Variants in MEGF11 observed in about 807,000 individuals in gnomAD.
The protein encoded by MEGF11 is multiple epidermal growth factor-like domains protein 11.
MEGF11 carries 126 observed loss-of-function variants against 146.6 expected under a neutral mutation model. The observed-to-expected ratio is 0.86, with a 90% CI of 0.74 to 1.00. MEGF11 has a LOEUF of 1.00. Among genes scored for constraint, MEGF11 ranks in the 50% least tolerant of loss-of-function variants. The pLI is 0.00. For missense variants in MEGF11, 1,509 were observed against 1,521.2 expected (o/e 0.99, Z 0.13); for synonymous variants, 532 against 583.4 (o/e 0.91, Z 1.27).
intron 5 of MEGF11, among the ~76,000 whole-genome samples, chr15:66,049,591 C>A (rs932642669): frequency 6.6e-6 from 1 of 152,092 alleles, no homozygotes; most frequent in East Asian, 1.9e-4. Context: ...GGGTATAGGT[C>A]GAGCTGCATG....
At chr15:66,150,495 C>T (rs1026784317) in intron 1 of MEGF11, among the ~76,000 whole-genome samples, 1 of 151,924 alleles carries the variant, frequency 6.6e-6, no homozygotes, top group Non-Finnish European at 1.5e-5. Context: ...GGGGCTTTTT[C>T]CCCCAATTGT....
chr15:65,909,920 G>T, intron 21 of MEGF11, 114 bp from the exon 22 acceptor site: 1 of 913,122 alleles, frequency 1.1e-6, no homozygotes, highest in Non-Finnish European at 1.7e-6. Context: ...ACCCACCTGG[G>T]TCCTAGGCCG....
intron 4 of MEGF11, among the ~76,000 whole-genome samples, chr15:66,097,380 G>A (rs1034914439): frequency 5.3e-5 from 8 of 152,148 alleles, no homozygotes; most frequent in African/African-American, 1.9e-4. Context: ...AGAGGCCTGG[G>A]GTTACTCAGC....
rs371552112 is a variant in MEGF11 at position 66,123,950 on chromosome 15, T to C, written c.149A>G (p.Tyr50Cys). ...GAGGATGTCTGTGCATCGTGTGTAATAGATCTGATCGAAGGGGTGTGCATA... is the reference window on the plus strand; with the variant it reads ...GAGGATGTCTGTGCATCGTGTGTAACAGATCTGATCGAAGGGGTGTGCATA... Reference protein sequence around the residue: ...ESYAHPFDQIYYTRCTDILNW... With the variant: ...ESYAHPFDQICYTRCTDILNW... The change falls in exon 3 of 26, where the codon TAT becomes TGT. Residue 50 changes from tyrosine (Y) to cysteine (C), a missense_variant. By Grantham distance (194) the Tyr-to-Cys change is radical (BLOSUM62 -2). Transcript: ENST00000395614. 5.1e-5 allele frequency: 82 copies of C among 1,613,862 alleles called. No individual in the cohort carries two copies. The highest frequency in any genetic ancestry group is 6.8e-5 in the Non-Finnish European group (80 of 1,179,876).
chr15:66,018,621 G>A (rs1018012762), intron 5 of MEGF11, among the ~76,000 whole-genome samples: 1 of 152,230 alleles, frequency 6.6e-6, no homozygotes, highest in Non-Finnish European at 1.5e-5. Flanking sequence ...GCTGGTGAGC[G>A]CATGTGTGAG....
At chr15:66,192,178 G>A (rs1432280445) in intron 1 of MEGF11, among the ~76,000 whole-genome samples, 2 of 151,576 alleles carry the variant, frequency 1.3e-5, no homozygotes, top group South Asian at 4.2e-4. Context: ...TGCTGAAATC[G>A]TCATAATGGC....
intron 5 of MEGF11, among the ~76,000 whole-genome samples, chr15:66,083,195 G>A (rs1455747647): frequency 1.3e-5 from 2 of 152,256 alleles, no homozygotes; most frequent in African/African-American, 4.8e-5. Context: ...ATACCACCAG[G>A]CCTCCCCAGG....
In MEGF11 at chr15:66,224,544, A is replaced by G. The variant is rs185531074; in HGVS notation, c.-9+29061T>C. On this transcript the variant is annotated intron_variant, in intron 1 of 25. Coordinates refer to ENST00000395614, the MANE Select transcript of MEGF11 (RefSeq NM_001385028.1). ...GTTTGCAGTGAGCCAAGATGGCGCC[A>G]CTGTACTCCAGCCTGAGCAACAGAG... Among the ~76,000 whole-genome samples, 579 of 150,940 alleles carry G rather than the reference A, an allele frequency of 3.8e-3. 3 individuals are homozygous for G. Among genetic ancestry groups the G allele is most frequent in the Non-Finnish European group, 6.8e-3 (464 of 67,794 alleles).
rs890752166 is a variant in MEGF11 at position 65,916,258 on chromosome 15, A to G, written c.2234T>C (p.Phe745Ser). The change falls in exon 18 of 26, where the codon TTT (phenylalanine) becomes TCT (serine). Residue 745 changes from phenylalanine to serine, a missense_variant. Coordinates refer to ENST00000395614, the MANE Select transcript of MEGF11 (RefSeq NM_001385028.1). ...GCATACGCGCCCACAGTCCTTCCCA[A>G]AAAATGCTGCTGGGCAGCCTAGAGA... ...FCTQRCPAAF[F>S]GKDCGRVCQC... 1.9e-6 allele frequency: 3 copies of G among 1,556,668 alleles called. No individual in the cohort carries two copies. The highest frequency in any genetic ancestry group is 2.6e-6 in the Non-Finnish European group (3 of 1,150,014).
chr15:66,013,014 G>A (rs1033798968), intron 5 of MEGF11, among the ~76,000 whole-genome samples: 1 of 152,228 alleles, frequency 6.6e-6, no homozygotes, highest in Non-Finnish European at 1.5e-5. Flanking sequence ...AAGAACCTTG[G>A]AGATTCTCCT....
At chr15:65,956,514 G>A (rs2080644737) in intron 10 of MEGF11, among the ~76,000 whole-genome samples, 1 of 152,212 alleles carries the variant, frequency 6.6e-6, no homozygotes, top group Admixed American at 6.5e-5. Flanking sequence ...TCACACAATT[G>A]GTGAGTAGGA....
intron 1 of MEGF11, among the ~76,000 whole-genome samples, chr15:66,137,707 C>T (rs1224957444): frequency 1.3e-5 from 2 of 151,858 alleles, no homozygotes; most frequent in Non-Finnish European, 2.9e-5. Flanking sequence ...GTTCACACTA[C>T]GACACCTGGC....
At chr15:66,093,190 G>A (rs930132158) in intron 5 of MEGF11, among the ~76,000 whole-genome samples, 2 of 152,176 alleles carry the variant, frequency 1.3e-5, no homozygotes, top group Non-Finnish European at 2.9e-5. Context: ...TGGACTCCCT[G>A]AGCTAAGATA....
intron 15 of MEGF11, among the ~76,000 whole-genome samples, chr15:65,921,472 G>C (rs1361808975): frequency 6.6e-6 from 1 of 152,148 alleles, no homozygotes; most frequent in Non-Finnish European, 1.5e-5. Context: ...CCTCTACACA[G>C]AATGCTTTTC....
At chr15:65,964,720 G>A (rs906555382) in intron 9 of MEGF11, among the ~76,000 whole-genome samples, 188 bp downstream of exon 9, 1 of 152,196 alleles carries the variant, frequency 6.6e-6, no homozygotes, top group Non-Finnish European at 1.5e-5. Flanking sequence ...CCTGACTGTG[G>A]CTATGTGGCC....
chr15:66,076,124 GATGA>G (rs2085567431), intron 5 of MEGF11, among the ~76,000 whole-genome samples: 2 of 152,148 alleles, frequency 1.3e-5, no homozygotes, highest in African/African-American at 2.4e-5. Flanking sequence ...GAGATAGATG[GATGA>G]ATGGACAGAG....
At chr15:66,007,333 C>T (rs1356026297) in intron 5 of MEGF11, among the ~76,000 whole-genome samples, 2 of 152,186 alleles carry the variant, frequency 1.3e-5, no homozygotes, top group Non-Finnish European at 2.9e-5. Flanking sequence ...TAGCATATTC[C>T]AGAGGCAAGT....
chr15:66,041,478 G>C (rs1156815329), intron 5 of MEGF11, among the ~76,000 whole-genome samples: 1 of 152,256 alleles, frequency 6.6e-6, no homozygotes, highest in African/African-American at 2.4e-5. Flanking sequence ...CATGCACGGA[G>C]GGTCGCCTTG....
At chr15:65,924,056 A>G (rs938025648) in intron 13 of MEGF11, among the ~76,000 whole-genome samples, 5 of 152,152 alleles carry the variant, frequency 3.3e-5, no homozygotes, top group African/African-American at 9.7e-5. Flanking sequence ...ATTGTGGGAA[A>G]GAGAAAGAAA....
Sources: gnomAD v4.1 joint callset for allele counts (sites outside exome capture counted in the v4.1 genomes callset) on GRCh38, gnomAD v4.1.1 for gene constraint, MANE v1.5 for transcripts, NCBI Gene and HGNC (gene_info 2026-07-23, HGNC 2026-07-21) for gene names.